NUDT21: variants seen among roughly 807,000 people sequenced by gnomAD.
NUDT21 encodes the protein nudix hydrolase 21.
In NUDT21, 5 loss-of-function variants were observed where a neutral mutation model predicts 29.8. The observed-to-expected ratio is 0.17, with a 90% CI of 0.09 to 0.35. NUDT21 has a LOEUF of 0.35. NUDT21 is among the 10% of genes least tolerant of loss of function. NUDT21 has a pLI of 1.00. For missense variants in NUDT21, 76 were observed against 276.0 expected, an observed-to-expected ratio of 0.28 and a Z score of 5.13; for synonymous variants, 113 against 98.5, an observed-to-expected ratio of 1.15 and a Z score of -0.87.
intron 4 of NUDT21, 176 bp from the exon 5 acceptor site, chr16:56,435,005 C>A: frequency 2.3e-6 from 1 of 432,758 alleles, no homozygotes; most frequent in Non-Finnish European, 4.1e-6. Context: ...TATAAAATAA[C>A]AAGCAGTAAA....
In NUDT21 at chr16:56,431,135, A is replaced by C. The variant is rs1312994383; in HGVS notation, c.*1577T>G. The C allele has an allele frequency of 6.6e-6, 1 of 152,194 alleles. No individual in the cohort carries two copies. Among genetic ancestry groups the C allele is most frequent in the Non-Finnish European group, 1.5e-5 (1 of 68,030 alleles). The allele number at this position is 152,194 out of a possible 1,614,324, so 9.4% of individuals were successfully genotyped here. The stretch of plus-strand genomic sequence containing the variant: ...GCTGAATCAATCCATCTTCATATCC[A>C]CTTCCTCCAATCTAAAGGAATAGCT... On this transcript the variant is annotated 3_prime_UTR_variant, in exon 7 of 7. Coordinates refer to ENST00000300291, the MANE Select transcript of NUDT21 (RefSeq NM_007006.3).
chr16:56,444,420 C>T lies in NUDT21; in HGVS notation c.381+2206G>A, dbSNP rs1962193761. 5.3e-5 allele frequency among the ~76,000 whole-genome samples: 8 copies of T among 151,986 alleles called. No homozygotes were observed. In the South Asian group the frequency reaches 1.7e-3, roughly 32 times the overall value. ...CCGACACGGTGAAACCCCATCTCTACTAAAAATATAAAAATTAGCTGGGCA... is the reference window on the plus strand; with the variant it reads ...CCGACACGGTGAAACCCCATCTCTATTAAAAATATAAAAATTAGCTGGGCA... On this transcript the variant is annotated intron_variant, in intron 3 of 6. Transcript: ENST00000300291.
intron 1 of NUDT21, 21 bp downstream of exon 1, chr16:56,451,066 C>T (rs1319726752): frequency 6.2e-7 from 1 of 1,603,982 alleles, no homozygotes; most frequent in Non-Finnish European, 8.5e-7. Flanking sequence ...GAAATGCCCG[C>T]CAAGGCCGCG....
chr16:56,433,417 G>A (rs1962059142), intron 6 of NUDT21, among the ~76,000 whole-genome samples: 1 of 152,162 alleles, frequency 6.6e-6, no homozygotes, highest in Non-Finnish European at 1.5e-5. Context: ...TACTGAGGTT[G>A]GGCTTCAAAT....
At chr16:56,433,907 G>A (rs532307749) in intron 6 of NUDT21, among the ~76,000 whole-genome samples, 91 of 152,020 alleles carry the variant, frequency 6.0e-4, no homozygotes, top group African/African-American at 2.2e-3. Flanking sequence ...GACTGGTCTC[G>A]AACTCCTGAC....
In NUDT21 at chr16:56,447,899, T is replaced by C; in HGVS notation, c.207A>G (p.Glu69=). ...TCCTCATTCCAATTTTATCAAATTC[T>C]TCCCTCATGCGCTGAAATCTGGCTG... ...SVAARFQRMR[E]EFDKIGMRRT... is the part of the protein sequence containing the mutation. The change falls in exon 2 of 7, where the codon GAA becomes GAG. Residue 69 remains glutamate, a synonymous_variant. Coordinates refer to ENST00000300291, the MANE Select transcript of NUDT21 (RefSeq NM_007006.3). 1 of 1,614,164 alleles carries C rather than the reference T, an allele frequency of 6.2e-7. No individual in the cohort carries two copies. Among genetic ancestry groups the C allele is most frequent in the Non-Finnish European group, 8.5e-7 (1 of 1,179,990 alleles).
At chr16:56,451,051 C>T (rs1316733659) in intron 1 of NUDT21, 36 bp downstream of exon 1, 12 of 1,577,064 alleles carry the variant, frequency 7.6e-6, no homozygotes, top group African/African-American at 1.3e-5. Flanking sequence ...GGAGCTTTCA[C>T]GAGAGAAATG....
chr16:56,442,617 G>A (rs1382381483), intron 3 of NUDT21, among the ~76,000 whole-genome samples: 4 of 152,090 alleles, frequency 2.6e-5, no homozygotes, highest in Admixed American at 1.3e-4. Flanking sequence ...ATGCCTTTGC[G>A]TGGATCTTTA....
chr16:56,439,848 T>C (rs1343618530), intron 3 of NUDT21, 102 bp from the exon 4 acceptor site: 13 of 865,348 alleles, frequency 1.5e-5, no homozygotes, highest in South Asian at 1.1e-4. Flanking sequence ...AATTGAAACA[T>C]AGGGATAATA....
chr16:56,433,850 C>A (rs1962064274), intron 6 of NUDT21, among the ~76,000 whole-genome samples: 1 of 152,060 alleles, frequency 6.6e-6, no homozygotes, highest in Non-Finnish European at 1.5e-5. Context: ...CCACGCCTCA[C>A]TAATTTTTGT....
At chr16:56,445,900 A>G (rs1445082838) in intron 3 of NUDT21, among the ~76,000 whole-genome samples, 23 of 152,240 alleles carry the variant, frequency 1.5e-4, no homozygotes, top group Admixed American at 1.5e-3. Flanking sequence ...TACTAGAAAG[A>G]CAAACCAATA....
chr16:56,446,617 GA>G lies in NUDT21; in HGVS notation c.381+8del. On this transcript the variant is annotated splice_region_variant and intron_variant, in intron 3 of 6. Coordinates refer to ENST00000300291, the MANE Select transcript of NUDT21 (RefSeq NM_007006.3). ...TGATGGTATTCAAAGTGGTTAAACA[GA>G]AAAATACCTCTGTCATTAAGCGTTT... 1 of 1,577,660 alleles carries G rather than the reference GA, an allele frequency of 6.3e-7. No homozygotes were observed. Among genetic ancestry groups the G allele is most frequent in the Non-Finnish European group, 8.7e-7 (1 of 1,151,428 alleles).
At position 56,451,191 on chromosome 16, in the gene NUDT21, T is replaced by C. The variant is rs770329299; in HGVS notation, c.12A>G (p.Val4=). 1.1e-5 allele frequency: 17 copies of C among 1,605,794 alleles called. No homozygotes were observed. In the East Asian group the frequency reaches 3.1e-4, roughly 30 times the overall value. MSV[V]PPNRSQTGWP... ...AGCCGGTCTGCGAGCGATTGGGCGG[T>C]ACCACAGACATGCTGGCGAGCTCCG... Residue 4 remains valine, a synonymous_variant, in exon 1 of 7, where the codon GTA becomes GTG. Coordinates refer to ENST00000300291, the MANE Select transcript of NUDT21 (RefSeq NM_007006.3).
chr16:56,432,762 T>C (rs755705433), intron 6 of NUDT21, 29 bp from the exon 7 acceptor site: 1 of 1,514,810 alleles, frequency 6.6e-7, no homozygotes, highest in Admixed American at 1.7e-5. Context: ...AATACCTTTA[T>C]TAAAGACAGT....
intron 2 of NUDT21, among the ~76,000 whole-genome samples, chr16:56,447,273 T>C (rs1962229788): frequency 6.6e-6 from 1 of 152,176 alleles, no homozygotes; most frequent in African/African-American, 2.4e-5. Flanking sequence ...GAGGAATGGA[T>C]CACATTCTTT....
In NUDT21 at chr16:56,429,785, T is replaced by C. The variant is rs1467548198; in HGVS notation, c.*2927A>G. 2 of 152,240 alleles carry C rather than the reference T, an allele frequency of 1.3e-5. No individual in the cohort carries two copies. Among genetic ancestry groups the C allele is most frequent in the East Asian group, 1.9e-4 (1 of 5,204 alleles). 9.4% of individuals were successfully genotyped at this position (152,240 alleles called of 1,614,324 possible). On this transcript the variant is annotated 3_prime_UTR_variant, in exon 7 of 7. Coordinates refer to ENST00000300291, the MANE Select transcript of NUDT21 (RefSeq NM_007006.3). ...GCAAACTCTGATGCAGTCTCAGTGA[T>C]TGGCATATACTGTTCCAAACACTAT...
intron 3 of NUDT21, among the ~76,000 whole-genome samples, chr16:56,446,145 G>T (rs1408039569): frequency 1.3e-5 from 2 of 152,104 alleles, no homozygotes; most frequent in East Asian, 3.8e-4. Flanking sequence ...TTAAAAAGTA[G>T]AATAATTTGG....
chr16:56,439,054 T>C (rs1027617872), intron 4 of NUDT21: 1 of 152,346 alleles, frequency 6.6e-6, no homozygotes, highest in African/African-American at 2.4e-5. Context: ...TAATCCAAGA[T>C]GAGGGTAGGA....
intron 3 of NUDT21, among the ~76,000 whole-genome samples, chr16:56,443,210 T>C (rs1962179795): frequency 6.6e-6 from 1 of 151,896 alleles, no homozygotes; most frequent in Non-Finnish European, 1.5e-5. Flanking sequence ...GAAGTCTTGC[T>C]CTGTTGCCCA....
Sources: allele counts gnomAD v4.1 joint callset (sites outside exome capture counted in the v4.1 genomes callset), GRCh38; gene constraint gnomAD v4.1.1; transcripts MANE v1.5; gene names NCBI Gene and HGNC (gene_info 2026-07-23, HGNC 2026-07-21).